The following CLCC1 variants were observed in gnomAD, a reference collection of about 807,000 sequenced individuals.
CLCC1 encodes chloride channel CLIC like 1.
Under a neutral mutation model 63.3 loss-of-function variants are expected in CLCC1, and 39 were observed. The ratio of observed to expected loss-of-function variants is 0.62; its 90% CI spans 0.48 to 0.81. The LOEUF is 0.81. Among genes scored for constraint, CLCC1 ranks in the 30% least tolerant of loss-of-function variants. The probability of loss-of-function intolerance (pLI) is 0.00; values close to 1 mark genes in which losing one functional copy is unlikely to be tolerated. For missense variants in CLCC1, 549 were observed against 669.4 expected (o/e 0.82, Z 1.98); for synonymous variants, 217 against 239.8 (o/e 0.90, Z 0.88).
rs971519523 is a variant in CLCC1 at position 108,939,775 on chromosome 1, G to C, written c.902C>G (p.Ala301Gly). 3.7e-6 allele frequency: 6 copies of C among 1,613,320 alleles called. No individual in the cohort carries two copies. The highest frequency in any genetic ancestry group is 2.7e-5 in the African/African-American group (2 of 74,832). Residue 301 changes from alanine (A) to glycine (G), a missense_variant, in exon 10 of 13, where the codon GCA becomes GGA. By Grantham distance (60) the Ala-to-Gly change is moderately conservative. Transcript: ENST00000369969. ...IWLVPPTKAL[A>G]VTFTTFVTEP... ...CGTTACAAATGTGGTGAATGTAACT[G>C]CAAGTGCCTAAAACGAGAGAAAAGC...
At chr1:108,935,657 T>C (rs1197404783) in intron 11 of CLCC1, among the ~76,000 whole-genome samples, 1 of 152,112 alleles carries the variant, frequency 6.6e-6, no homozygotes, top group Non-Finnish European at 1.5e-5. Context: ...TCCTAGTTAC[T>C]CAGAAGGCTG....
intron 2 of CLCC1, among the ~76,000 whole-genome samples, chr1:108,953,473 T>C (rs185375723): frequency 1.3e-5 from 2 of 152,280 alleles, no homozygotes; most frequent in East Asian, 1.9e-4. Flanking sequence ...CCCCAAGTGA[T>C]TCTAATGTGT....
At chr1:108,963,108 G>A (rs1656881050) in intron 1 of CLCC1, among the ~76,000 whole-genome samples, 1 of 152,198 alleles carries the variant, frequency 6.6e-6, no homozygotes, top group African/African-American at 2.4e-5. Context: ...TCCGTAGGCC[G>A]CTCTCTGGGC....
chr1:108,939,346 G>A (rs537203177), intron 10 of CLCC1, among the ~76,000 whole-genome samples: 4 of 142,492 alleles, frequency 2.8e-5, no homozygotes, highest in Middle Eastern at 4.0e-3. Context: ...TTGCTCTGTC[G>A]CCCAGGCTGG....
At chr1:108,947,793 T>C (rs1654728801) in intron 4 of CLCC1, 75 bp from the exon 5 acceptor site, 1 of 965,690 alleles carries the variant, frequency 1.0e-6, no homozygotes, top group Non-Finnish European at 1.6e-6. Context: ...AGCCTAGTGC[T>C]GTCATCGGAA....
chr1:108,940,036 A>T lies in CLCC1; in HGVS notation c.894+9T>A. Reference sequence around the variant, plus strand: ...ACTTTAAGTAATTTTTACAAAATATATGCTATACCTTTGTTGGTGGGACCA... The same window carrying T: ...ACTTTAAGTAATTTTTACAAAATATTTGCTATACCTTTGTTGGTGGGACCA... On this transcript the variant is annotated intron_variant, in intron 9 of 12. Transcript: ENST00000369969. 1 of 1,587,516 alleles carries T rather than the reference A, an allele frequency of 6.3e-7. No individual in the cohort carries two copies. Among genetic ancestry groups the T allele is most frequent in the South Asian group, 1.1e-5 (1 of 88,410 alleles).
At chr1:108,939,598 C>A in intron 10 of CLCC1, 38 bp downstream of exon 10, 1 of 1,588,066 alleles carries the variant, frequency 6.3e-7, no homozygotes, top group Non-Finnish European at 8.6e-7. Flanking sequence ...CGTGAGCCAC[C>A]GCGCCTGGCC....
At chr1:108,955,111 C>A (rs1286526944) in intron 2 of CLCC1, among the ~76,000 whole-genome samples, 1 of 151,198 alleles carries the variant, frequency 6.6e-6, no homozygotes, top group East Asian at 1.9e-4. Flanking sequence ...TCCCAAAGTG[C>A]TGAGGTTACA....
intron 8 of CLCC1, among the ~76,000 whole-genome samples, chr1:108,940,619 A>C (rs1438164852): frequency 2.0e-5 from 3 of 152,216 alleles, no homozygotes; most frequent in East Asian, 3.8e-4. Context: ...TACCTCAGTA[A>C]ATTTTTAATT....
intron 5 of CLCC1, among the ~76,000 whole-genome samples, chr1:108,944,421 A>G (rs1654259203): frequency 6.6e-6 from 1 of 152,038 alleles, no homozygotes; most frequent in Non-Finnish European, 1.5e-5. Context: ...GTAAGCTATG[A>G]GCATACCACT....
chr1:108,956,651 A>G (rs1655929060), intron 2 of CLCC1, among the ~76,000 whole-genome samples: 1 of 117,664 alleles, frequency 8.5e-6, no homozygotes, highest in South Asian at 2.6e-4. Context: ...ACACAGCGAG[A>G]CTCCGTCTCA....
intron 2 of CLCC1, among the ~76,000 whole-genome samples, chr1:108,956,593 G>A (rs1018360270): frequency 5.3e-5 from 8 of 150,256 alleles, no homozygotes; most frequent in Non-Finnish European, 1.0e-4. Context: ...CCTGGGAGGC[G>A]GAAGTTGCAG....
At chr1:108,937,686 G>A (rs910945235) in intron 10 of CLCC1, among the ~76,000 whole-genome samples, 1 of 152,336 alleles carries the variant, frequency 6.6e-6, no homozygotes, top group East Asian at 1.9e-4. Flanking sequence ...ATGGCAGGCT[G>A]AAGCCTAGAT....
At chr1:108,955,813 G>A (rs1432361060) in intron 2 of CLCC1, among the ~76,000 whole-genome samples, 1 of 151,512 alleles carries the variant, frequency 6.6e-6, no homozygotes, top group Non-Finnish European at 1.5e-5. Flanking sequence ...GGCTCTCCAG[G>A]CTTTGGAATC....
chr1:108,946,695 A>G (rs1173900949), intron 5 of CLCC1, among the ~76,000 whole-genome samples: 1 of 152,198 alleles, frequency 6.6e-6, no homozygotes, highest in African/African-American at 2.4e-5. Context: ...TTCTGGTGGC[A>G]CACACAATAG....
intron 5 of CLCC1, among the ~76,000 whole-genome samples, chr1:108,945,049 G>A (rs920915104): frequency 1.3e-5 from 2 of 152,174 alleles, no homozygotes; most frequent in Non-Finnish European, 1.5e-5. Context: ...TTTATCAATT[G>A]ATCAATATAT....
In CLCC1 at chr1:108,931,628, T is replaced by TAAAAA. The variant is rs71593448; in HGVS notation, c.*914_*918dup. On this transcript the variant is annotated 3_prime_UTR_variant, in exon 13 of 13. Transcript: ENST00000369969. ...GAATTAATTACATTAAGTGCTCAGC[T>TAAAAA]AAAAAAAAAAAAAAAGTTCTAAATT... The TAAAAA allele has an allele frequency of 3.0e-5, 24 of 811,186 alleles. No individual in the cohort carries two copies. Among genetic ancestry groups the TAAAAA allele is most frequent in the South Asian group, 1.2e-4 (4 of 34,322 alleles). 50.2% of individuals were successfully genotyped at this position (811,186 alleles called of 1,614,324 possible).
At position 108,954,817 on chromosome 1, in the gene CLCC1, C is replaced by CGTGTGTGTGTGTGT. The variant is rs58482013; in HGVS notation, c.-11-4383_-11-4370dup. Among the ~76,000 whole-genome samples the CGTGTGTGTGTGTGT allele has an allele frequency of 4.9e-3, 694 of 140,586 alleles. 22 individuals carry two copies. Among genetic ancestry groups the CGTGTGTGTGTGTGT allele is most frequent in the African/African-American group, 0.015 (535 of 35,822 alleles). The allele number at this position is 140,586 out of a possible 152,430, so 92.2% of individuals were successfully genotyped here. On this transcript the variant is annotated intron_variant, in intron 2 of 12. Coordinates refer to ENST00000369969, the MANE Select transcript of CLCC1 (RefSeq NM_001377458.1). ...TACTGTATACTGGGCACTGTCTTTG[C>CGTGTGTGTGTGTGT]GTGTGTGTGTGTGTGTGTGTGTGTG...
intron 2 of CLCC1, among the ~76,000 whole-genome samples, chr1:108,956,458 G>A (rs982895582): frequency 4.0e-5 from 6 of 150,986 alleles, no homozygotes; most frequent in African/African-American, 1.5e-4. Context: ...TCAGGAGATC[G>A]AGACCATCCC....
Sources: gnomAD v4.1 joint callset for allele counts (sites outside exome capture counted in the v4.1 genomes callset) on GRCh38, gnomAD v4.1.1 for gene constraint, MANE v1.5 for transcripts, NCBI Gene and HGNC (gene_info 2026-07-23, HGNC 2026-07-21) for gene names.